DLC1: variants seen among roughly 807,000 people sequenced by gnomAD.
DLC1 encodes DLC1 Rho GTPase activating protein.
DLC1 carries 54 observed loss-of-function variants against 140.3 expected under a neutral mutation model. The observed-to-expected ratio is 0.38, with a 90% CI of 0.31 to 0.48. The LOEUF is 0.48. Among genes scored for constraint, DLC1 ranks in the 20% least tolerant of loss-of-function variants. The pLI, the probability that DLC1 is intolerant of heterozygous loss-of-function variation, is 0.96. For synonymous variants in DLC1, 986 were observed against 728.1 expected, an observed-to-expected ratio of 1.35 and a Z score of -5.70; for missense variants, 2,536 against 1,907.0, an observed-to-expected ratio of 1.33 and a Z score of -6.14.
chr8:13,085,833 G>C lies in DLC1; in HGVS notation c.4565C>G (p.Thr1522Ser), dbSNP rs1817507561. The C allele has an allele frequency of 3.1e-6, 5 of 1,613,990 alleles. No homozygotes were observed. The South Asian group carries it at 3.3e-5, about 11-fold the overall frequency. Residue 1522 changes from threonine to serine, a missense_variant, in exon 18 of 18, where the codon ACC becomes AGC. By Grantham distance (58) the Thr-to-Ser change is moderately conservative. Transcript: ENST00000276297. ...RDSFSNQNTE[T>S]KDTKSR ...TGATCACCTAGATTTGGTGTCTTTGGTTTCAGTGTTCTGGTTACTGAAGGA... is the reference window on the plus strand; with the variant it reads ...TGATCACCTAGATTTGGTGTCTTTGCTTTCAGTGTTCTGGTTACTGAAGGA...
At chr8:13,468,841 A>ATTTTTTTTTTTTTTTGT (rs1585160821) in intron 2 of DLC1, among the ~76,000 whole-genome samples, 1 of 64,192 alleles carries the variant, frequency 1.6e-5, no homozygotes, top group Non-Finnish European at 2.9e-5. Flanking sequence ...TTTTTTTTTA[A>ATTTTTTTTTTTTTTTGT]GATGGAGTCT....
intron 5 of DLC1, among the ~76,000 whole-genome samples, chr8:13,301,035 G>A (rs200339516): frequency 8.3e-4 from 126 of 152,052 alleles, no homozygotes; most frequent in South Asian, 2.1e-4. Flanking sequence ...GCCTGGGAGC[G>A]GCAGGAGAAC....
intron 5 of DLC1, among the ~76,000 whole-genome samples, chr8:13,189,442 C>T (rs1017206984): frequency 3.0e-4 from 45 of 151,480 alleles, no homozygotes; most frequent in African/African-American, 9.9e-4. Flanking sequence ...CATGCCATTG[C>T]ACTCCACCCA....
intron 1 of DLC1, among the ~76,000 whole-genome samples, chr8:13,547,654 C>T (rs1202053478): frequency 1.3e-5 from 2 of 151,992 alleles, no homozygotes; most frequent in African/African-American, 4.8e-5. Flanking sequence ...GCAAATTTGT[C>T]AAGGTTAGAA....
At chr8:13,312,386 A>AAAAAAAAAAAAAAAAAAAAAT (rs71207139) in intron 4 of DLC1, among the ~76,000 whole-genome samples, 18 of 81,678 alleles carry the variant, frequency 2.2e-4, no homozygotes, top group Non-Finnish European at 3.5e-4. Flanking sequence ...AAAAAAAAAA[A>AAAAAAAAAAAAAAAAAAAAAT]AATAATTTCT....
At chr8:13,535,183 G>A (rs1803235054) in intron 1 of DLC1, among the ~76,000 whole-genome samples, 1 of 152,034 alleles carries the variant, frequency 6.6e-6, no homozygotes, top group East Asian at 1.9e-4. Flanking sequence ...TAAGATGATA[G>A]TTGCTATAAA....
At chr8:13,586,589 GCACA>G (rs3066494) in intron 1 of DLC1, among the ~76,000 whole-genome samples, 28,048 of 142,860 alleles carry the variant, frequency 0.2, 2,633 homozygotes, top group East Asian at 0.32. Context: ...AGATGCACAT[GCACA>G]CACACACACA....
At chr8:13,583,640 A>T (rs954465990) in intron 1 of DLC1, among the ~76,000 whole-genome samples, 1 of 152,182 alleles carries the variant, frequency 6.6e-6, no homozygotes, top group Non-Finnish European at 1.5e-5. Flanking sequence ...TTTATTTAAT[A>T]TTTTCATGTC....
At chr8:13,498,918 G>C in intron 2 of DLC1, 131 bp downstream of exon 2, 1 of 1,097,892 alleles carries the variant, frequency 9.1e-7, no homozygotes, top group Non-Finnish European at 1.2e-6. Flanking sequence ...GGTAGTCGTT[G>C]AATTACACAT....
At position 13,115,692 on chromosome 8, in the gene DLC1, T is replaced by C. The variant is rs76411822; in HGVS notation, c.1349-35A>G. On this transcript the variant is annotated intron_variant, in intron 5 of 17. Transcript: ENST00000276297. Reference sequence around the variant, plus strand: ...AACAGAAGAAAGACAAAATTAGCCATGTGTACCTCGCCATGCTTATTTTTC... The same window carrying C: ...AACAGAAGAAAGACAAAATTAGCCACGTGTACCTCGCCATGCTTATTTTTC... 6.4e-3 allele frequency: 10,210 copies of C among 1,598,842 alleles called. 572 individuals carry two copies. In the African/African-American group the frequency reaches 0.12, roughly 19 times the overall value.
intron 4 of DLC1, among the ~76,000 whole-genome samples, chr8:13,347,490 G>A (rs1459071299): frequency 6.6e-6 from 1 of 152,116 alleles, no homozygotes; most frequent in Non-Finnish European, 1.5e-5. Context: ...GCAGGCTTGG[G>A]AATTTAACCT....
intron 5 of DLC1, among the ~76,000 whole-genome samples, chr8:13,197,118 A>G (rs1304461377): frequency 6.6e-6 from 1 of 152,126 alleles, no homozygotes; most frequent in East Asian, 1.9e-4. Flanking sequence ...ATAGTTTCCT[A>G]CCTGGGGGTC....
At chr8:13,476,388 A>G (rs1220256273) in intron 2 of DLC1, among the ~76,000 whole-genome samples, 1 of 151,970 alleles carries the variant, frequency 6.6e-6, no homozygotes, top group Non-Finnish European at 1.5e-5. Flanking sequence ...TTCGAACATA[A>G]TTTTCTTATG....
intron 5 of DLC1, among the ~76,000 whole-genome samples, chr8:13,291,064 C>T (rs3843802): frequency 0.27 from 41,795 of 152,056 alleles, 6,127 homozygotes; most frequent in Middle Eastern, 0.33. Context: ...TGTGCCACCA[C>T]GCCTGGCTAA....
At chr8:13,259,814 A>C (rs1353840181) in intron 5 of DLC1, among the ~76,000 whole-genome samples, 1 of 151,882 alleles carries the variant, frequency 6.6e-6, no homozygotes, top group Non-Finnish European at 1.5e-5. Context: ...TTTTCTGTTT[A>C]AGTGTATTCC....
chr8:13,396,250 G>A (rs55667621), intron 3 of DLC1, among the ~76,000 whole-genome samples: 22,171 of 151,524 alleles, frequency 0.15, 1,804 homozygotes, highest in Non-Finnish European at 0.19. Context: ...TACTAGAGAC[G>A]GGGTTTCATC....
chr8:13,091,582 G>C, intron 13 of DLC1, 150 bp from the exon 14 acceptor site: 1 of 601,516 alleles, frequency 1.7e-6, no homozygotes, highest in Non-Finnish European at 2.8e-6. Context: ...TTTTACTTTG[G>C]TCACCAGAGT....
chr8:13,562,469 T>C (rs1193965526), intron 1 of DLC1, among the ~76,000 whole-genome samples: 1 of 152,150 alleles, frequency 6.6e-6, no homozygotes, highest in Admixed American at 6.5e-5. Context: ...CATGAAATGG[T>C]GTTCATTCTT....
chr8:13,394,181 G>T (rs1214151538), intron 3 of DLC1, among the ~76,000 whole-genome samples: 1 of 152,182 alleles, frequency 6.6e-6, no homozygotes, highest in Non-Finnish European at 1.5e-5. Flanking sequence ...TATGGTGACA[G>T]CTATTACGGT....
Sources: allele counts gnomAD v4.1 joint callset (sites outside exome capture counted in the v4.1 genomes callset), GRCh38; gene constraint gnomAD v4.1.1; transcripts MANE v1.5; gene names NCBI Gene and HGNC (gene_info 2026-07-23, HGNC 2026-07-21).